CTDSPL2: variants seen among roughly 807,000 people sequenced by gnomAD.
CTDSPL2 encodes the protein CTD small phosphatase-like protein 2.
In CTDSPL2, 5 loss-of-function variants were observed where a neutral mutation model predicts 60.0. The ratio of observed to expected loss-of-function variants is 0.08; its 90% CI spans 0.04 to 0.18. The LOEUF is 0.18. Among genes scored for constraint, CTDSPL2 ranks in the 10% least tolerant of loss-of-function variants. The pLI is 1.00. For missense variants in CTDSPL2, 370 were observed against 548.8 expected, an observed-to-expected ratio of 0.67 and a Z score of 3.26; for synonymous variants, 186 against 189.3, an observed-to-expected ratio of 0.98 and a Z score of 0.14.
intron 5 of CTDSPL2, among the ~76,000 whole-genome samples, chr15:44,495,871 G>A (rs948174425): frequency 3.3e-5 from 5 of 151,850 alleles, no homozygotes; most frequent in Non-Finnish European, 7.4e-5. Flanking sequence ...GGTGGAGGTT[G>A]CAGTGAGTTG....
intron 8 of CTDSPL2, among the ~76,000 whole-genome samples, chr15:44,511,579 T>C (rs1226043773): frequency 6.6e-6 from 1 of 152,144 alleles, no homozygotes; most frequent in East Asian, 1.9e-4. Flanking sequence ...CCTCAAAATC[T>C]GTAATTTATC....
intron 2 of CTDSPL2, among the ~76,000 whole-genome samples, chr15:44,461,816 G>A (rs1466124017): frequency 2.0e-5 from 3 of 152,110 alleles, no homozygotes; most frequent in East Asian, 1.9e-4. Context: ...GCATCATAAA[G>A]GTCTTATCCT....
intron 1 of CTDSPL2, among the ~76,000 whole-genome samples, chr15:44,436,094 A>G (rs2079977083): frequency 6.6e-6 from 1 of 152,204 alleles, no homozygotes; most frequent in Non-Finnish European, 1.5e-5. Flanking sequence ...ATTTCAGATT[A>G]GTCAGGCTAG....
At chr15:44,461,466 G>A (rs2080568112) in intron 2 of CTDSPL2, among the ~76,000 whole-genome samples, 1 of 151,658 alleles carries the variant, frequency 6.6e-6, no homozygotes, top group Non-Finnish European at 1.5e-5. Flanking sequence ...ATAGCTCACT[G>A]CAGCCTTGAA....
At chr15:44,511,867 C>CA (rs68063380) in intron 8 of CTDSPL2, among the ~76,000 whole-genome samples, 6,998 of 30,204 alleles carry the variant, frequency 0.23, 1,181 homozygotes, top group African/African-American at 0.28. Context: ...GACGGTCTCG[C>CA]AAAAAAAAAA....
At chr15:44,511,857 G>A (rs971717554) in intron 8 of CTDSPL2, among the ~76,000 whole-genome samples, 43 of 114,914 alleles carry the variant, frequency 3.7e-4, no homozygotes, top group African/African-American at 1.5e-3. Flanking sequence ...AGCAGAATGA[G>A]ACGGTCTCGC....
At chr15:44,514,532 A>G (rs1288740849) in intron 8 of CTDSPL2, 66 bp from the exon 9 acceptor site, 60 of 940,552 alleles carry the variant, frequency 6.4e-5, no homozygotes, top group Non-Finnish European at 9.4e-5. Flanking sequence ...AATACAGCAC[A>G]TCTTAAAAAG....
At position 44,528,904 on chromosome 15, in the gene CTDSPL2, A is replaced by T. The variant is rs1659538647; in HGVS notation, c.*4730A>T. The T allele has an allele frequency of 6.6e-6, 1 of 152,134 alleles. No homozygotes were observed. The highest frequency in any genetic ancestry group is 2.1e-4 in the South Asian group (1 of 4,830). 9.4% of individuals were successfully genotyped at this position (152,134 alleles called of 1,614,324 possible). On this transcript the variant is annotated 3_prime_UTR_variant, in exon 13 of 13. Coordinates refer to ENST00000260327, the MANE Select transcript of CTDSPL2 (RefSeq NM_016396.3). ...AAGTCATGGACATTTTAAAATCTCA[A>T]TTTAATTTCTTCTTATTTACTATGC...
chr15:44,495,028 A>G (rs77375935), intron 5 of CTDSPL2, among the ~76,000 whole-genome samples: 5 of 152,134 alleles, frequency 3.3e-5, no homozygotes, highest in Admixed American at 1.3e-4. Flanking sequence ...CTAGAGTGCA[A>G]TGACACAATC....
chr15:44,510,965 G>A (rs1285823059), intron 8 of CTDSPL2, among the ~76,000 whole-genome samples: 1 of 152,056 alleles, frequency 6.6e-6, no homozygotes, highest in Non-Finnish European at 1.5e-5. Flanking sequence ...TAACTTAGAC[G>A]CTGCTGGCCT....
intron 5 of CTDSPL2, among the ~76,000 whole-genome samples, chr15:44,491,686 G>T (rs2081216723): frequency 6.6e-6 from 1 of 152,158 alleles, no homozygotes; most frequent in African/African-American, 2.4e-5. Context: ...GTTTGTTTGT[G>T]TTTGTTGTTG....
At chr15:44,450,994 AATACTT>A (rs2080324704) in intron 1 of CTDSPL2, among the ~76,000 whole-genome samples, 1 of 152,176 alleles carries the variant, frequency 6.6e-6, no homozygotes, top group Non-Finnish European at 1.5e-5. Context: ...TATTGATTAA[AATACTT>A]ATACATGTTA....
intron 8 of CTDSPL2, among the ~76,000 whole-genome samples, chr15:44,511,281 A>G (rs1036652087): frequency 6.6e-6 from 1 of 152,242 alleles, no homozygotes; most frequent in Non-Finnish European, 1.5e-5. Flanking sequence ...TTTGAAAGCA[A>G]TGTCAAATTT....
intron 2 of CTDSPL2, among the ~76,000 whole-genome samples, chr15:44,470,772 A>T (rs1003286414): frequency 6.6e-6 from 1 of 152,092 alleles, no homozygotes; most frequent in Non-Finnish European, 1.5e-5. Flanking sequence ...TTGTCTATTT[A>T]TATTTAATGT....
rs778480901 is a variant in CTDSPL2, at chr15:44,496,543, A to G, written c.770+85A>G. The stretch of plus-strand genomic sequence containing the variant: ...ATATGTGGATTGGTGGCTAAATAGT[A>G]TATTGCCAAGATATGTGACCTGTAG... On this transcript the variant is annotated intron_variant, in intron 6 of 12. Coordinates refer to ENST00000260327, the MANE Select transcript of CTDSPL2 (RefSeq NM_016396.3). The G allele has an allele frequency of 2.8e-5, 29 of 1,031,892 alleles. No homozygotes were observed. The Admixed American group carries it at 5.2e-4, about 18-fold the overall frequency. The allele number at this position is 1,031,892 out of a possible 1,614,324, so 63.9% of individuals were successfully genotyped here.
chr15:44,504,365 G>C (rs926659326), intron 8 of CTDSPL2, among the ~76,000 whole-genome samples: 1 of 152,010 alleles, frequency 6.6e-6, no homozygotes, highest in Non-Finnish European at 1.5e-5. Context: ...AGAAAAGAAA[G>C]AACAAGAGAA....
chr15:44,521,665 G>A (rs1658113096), intron 12 of CTDSPL2, among the ~76,000 whole-genome samples: 1 of 152,082 alleles, frequency 6.6e-6, no homozygotes, highest in Admixed American at 6.6e-5. Context: ...TGGGCCGGGC[G>A]CGGTGGCTCA....
intron 2 of CTDSPL2, among the ~76,000 whole-genome samples, chr15:44,479,816 C>T (rs1049644727): frequency 2.6e-5 from 4 of 152,134 alleles, no homozygotes; most frequent in Non-Finnish European, 4.4e-5. Context: ...TTCTGCTCCA[C>T]GTGTGTTTCA....
rs745634716 is a variant in CTDSPL2, at chr15:44,496,476, CTT to C, written c.770+24_770+25del. 2.5e-6 allele frequency: 4 copies of C among 1,592,214 alleles called. No homozygotes were observed. In the South Asian group the frequency reaches 3.3e-5, roughly 13 times the overall value. ...TTTGACCCGTGAGTTGCTTTTTTCT[CTT>C]TTTTTCTTTCCTTTTTGGAGCATGA... On this transcript the variant is annotated intron_variant, in intron 6 of 12. Coordinates refer to ENST00000260327, the MANE Select transcript of CTDSPL2 (RefSeq NM_016396.3).
Sources: gnomAD v4.1 joint callset for allele counts (sites outside exome capture counted in the v4.1 genomes callset) on GRCh38, gnomAD v4.1.1 for gene constraint, MANE v1.5 for transcripts, NCBI Gene and HGNC (gene_info 2026-07-23, HGNC 2026-07-21) for gene names.